The following ARL6IP5 variants were observed in gnomAD, a reference collection of about 807,000 sequenced individuals.
ARL6IP5 encodes PRA1 family protein 3.
In ARL6IP5, 6 loss-of-function variants were observed where a neutral mutation model predicts 13.0. The observed-to-expected ratio is 0.46, with a 90% CI of 0.25 to 0.91. The LOEUF (loss-of-function observed/expected upper bound fraction) is 0.91, where lower values mean the gene tolerates loss of function less well. ARL6IP5 is among the 40% of genes least tolerant of loss of function. The probability of loss-of-function intolerance (pLI) is 0.17; values close to 1 mark genes in which losing one functional copy is unlikely to be tolerated. For missense variants in ARL6IP5, 208 were observed against 248.8 expected (o/e 0.84, Z 1.10); for synonymous variants, 91 against 91.9 (o/e 0.99, Z 0.06).
intron 1 of ARL6IP5, among the ~76,000 whole-genome samples, chr3:69,086,118 T>G (rs1470807043): frequency 6.6e-6 from 1 of 152,198 alleles, no homozygotes; most frequent in African/African-American, 2.4e-5. Context: ...TCACTTGCAC[T>G]TAAATGTCTG....
At chr3:69,092,819 C>CT (rs201632976) in intron 1 of ARL6IP5, among the ~76,000 whole-genome samples, 2,907 of 139,730 alleles carry the variant, frequency 0.021, 63 homozygotes, top group African/African-American at 0.057. Flanking sequence ...TGTACCCAGC[C>CT]TTTTTTTTTT....
chr3:69,104,011 C>T (rs1012320797), intron 2 of ARL6IP5, among the ~76,000 whole-genome samples: 1 of 152,150 alleles, frequency 6.6e-6, no homozygotes, highest in Admixed American at 6.5e-5. Context: ...CCGGGAGGCA[C>T]TTTAAAAGTG....
rs2107517111 is a variant in ARL6IP5 at position 69,105,694 on chromosome 3, A to G, written c.*1058A>G. 6.6e-6 allele frequency: 1 copy of G among 152,360 alleles called. No individual in the cohort carries two copies. The highest frequency in any genetic ancestry group is 1.5e-5 in the Non-Finnish European group (1 of 68,032). 9.4% of individuals were successfully genotyped at this position (152,360 alleles called of 1,614,324 possible). A position where few individuals can be genotyped will look rare whatever the true frequency, so the allele number is the denominator to read the frequency against. ...AATTGTTACAACCATATGCCTTTAT[A>G]GCTAGACATTAGAATTATGATAGCA... On this transcript the variant is annotated 3_prime_UTR_variant, in exon 3 of 3. Coordinates refer to ENST00000273258, the MANE Select transcript of ARL6IP5 (RefSeq NM_006407.4).
At chr3:69,094,622 T>C (rs2092281108) in intron 1 of ARL6IP5, among the ~76,000 whole-genome samples, 1 of 152,046 alleles carries the variant, frequency 6.6e-6, no homozygotes, top group Non-Finnish European at 1.5e-5. Flanking sequence ...GGCTAGAAAA[T>C]TGGAACTCAG....
chr3:69,092,381 T>A (rs951083002), intron 1 of ARL6IP5, among the ~76,000 whole-genome samples: 5 of 152,224 alleles, frequency 3.3e-5, no homozygotes, highest in African/African-American at 1.2e-4. Flanking sequence ...GAAGGAAGTC[T>A]GTGTTACCAA....
Position 69,085,077 on chromosome 3 carries a change from C to G in ARL6IP5, c.30C>G (p.Ala10=), listed in dbSNP as rs749621819. Residue 10 remains alanine, a synonymous_variant, in exon 1 of 3, where the codon GCC becomes GCG. Transcript: ENST00000273258. ...ACGTTAATATCGCCCCACTCCGCGC[C>G]TGGGACGATTTCTTCCCGGGTTCCG... MDVNIAPLR[A]WDDFFPGSDR... The G allele has an allele frequency of 1.2e-6, 2 of 1,614,066 alleles. No homozygotes were observed. Among genetic ancestry groups the G allele is most frequent in the East Asian group, 2.2e-5 (1 of 44,900 alleles).
chr3:69,100,190 G>A (rs572531935), intron 1 of ARL6IP5: 1 of 152,246 alleles, frequency 6.6e-6, no homozygotes, highest in African/African-American at 2.4e-5. Context: ...GCCTCCCAAA[G>A]TGCTAGGATT....
rs756960056 is a variant in ARL6IP5, at chr3:69,101,985, C to T, written c.323C>T (p.Ala108Val). ...ACGTTCGTTATGGTGGTCATGTTGG[C>T]GAGCTATTTCCTTATCTCCATGTTT... is the stretch of plus-strand genomic sequence containing the variant. ...PTTFVMVVML[A>V]SYFLISMFGG... Residue 108 changes from alanine (A) to valine (V), a missense_variant, in exon 2 of 3, where the codon GCG (alanine) becomes GTG (valine). By Grantham distance (64) the Ala-to-Val change is moderately conservative. Coordinates refer to ENST00000273258, the MANE Select transcript of ARL6IP5 (RefSeq NM_006407.4). 3.1e-6 allele frequency: 5 copies of T among 1,614,064 alleles called. No homozygotes were observed. The highest frequency in any genetic ancestry group is 1.7e-5 in the Admixed American group (1 of 60,006).
chr3:69,100,821 A>G (rs1274831011), intron 1 of ARL6IP5, among the ~76,000 whole-genome samples: 1 of 151,240 alleles, frequency 6.6e-6, no homozygotes, highest in Non-Finnish European at 1.5e-5. Flanking sequence ...GATTAATAGC[A>G]CCTCACTTTG....
At chr3:69,093,733 G>A (rs2092277376) in intron 1 of ARL6IP5, among the ~76,000 whole-genome samples, 1 of 149,224 alleles carries the variant, frequency 6.7e-6, no homozygotes. Flanking sequence ...CTGCACTTCA[G>A]CCTGCCGACA....
chr3:69,104,315 C>G, intron 2 of ARL6IP5, 149 bp from the exon 3 acceptor site: 1 of 750,650 alleles, frequency 1.3e-6, no homozygotes, highest in African/African-American at 1.7e-5. Context: ...GTCCAAGGAG[C>G]CATTTGAAAG....
intron 1 of ARL6IP5, among the ~76,000 whole-genome samples, chr3:69,099,126 G>GGGC (rs1164414732): frequency 3.9e-5 from 4 of 101,718 alleles, no homozygotes; most frequent in African/African-American, 2.1e-4. Context: ...GGAGGCTGAG[G>GGGC]GGCGGGGGGG....
chr3:69,102,230 G>A, intron 2 of ARL6IP5, 174 bp downstream of exon 2: 1 of 662,348 alleles, frequency 1.5e-6, no homozygotes, highest in Non-Finnish European at 2.6e-6. Flanking sequence ...CAGAACTGAG[G>A]TCAAGAACTA....
intron 1 of ARL6IP5, among the ~76,000 whole-genome samples, chr3:69,096,689 C>T (rs182251446): frequency 8.0e-5 from 12 of 150,724 alleles, no homozygotes; most frequent in African/African-American, 1.7e-4. Flanking sequence ...CTGCAGCCTC[C>T]GCCTCCCGGG....
Position 69,085,060 on chromosome 3 carries a change from A to G in ARL6IP5, c.13A>G (p.Ile5Val), listed in dbSNP as rs1227610687. The change falls in exon 1 of 3, where the codon ATC becomes GTC. Residue 5 changes from isoleucine to valine, a missense_variant. By Grantham distance (29) the Ile-to-Val change is conservative. Coordinates refer to ENST00000273258, the MANE Select transcript of ARL6IP5 (RefSeq NM_006407.4). MDVNIAPLRAWDDFF... is the reference protein window; with the variant it reads MDVNVAPLRAWDDFF... ...CAAAGCTGAGAACATGGACGTTAAT[A>G]TCGCCCCACTCCGCGCCTGGGACGA... 6.2e-7 allele frequency: 1 copy of G among 1,613,704 alleles called. No individual in the cohort carries two copies. Among genetic ancestry groups the G allele is most frequent in the Non-Finnish European group, 8.5e-7 (1 of 1,179,930 alleles).
At chr3:69,091,983 GA>G (rs1339104332) in intron 1 of ARL6IP5, among the ~76,000 whole-genome samples, 12 of 151,696 alleles carry the variant, frequency 7.9e-5, no homozygotes, top group Admixed American at 7.9e-4. Flanking sequence ...CTCAGCTTCA[GA>G]AAACTTAACC....
At chr3:69,098,060 A>T (rs1165917558) in intron 1 of ARL6IP5, among the ~76,000 whole-genome samples, 2 of 151,760 alleles carry the variant, frequency 1.3e-5, no homozygotes, top group Admixed American at 1.3e-4. Flanking sequence ...GAAATAATAT[A>T]CTAATTATAG....
intron 1 of ARL6IP5, among the ~76,000 whole-genome samples, chr3:69,091,444 G>A (rs2092265603): frequency 6.6e-6 from 1 of 151,790 alleles, no homozygotes; most frequent in Non-Finnish European, 1.5e-5. Context: ...ATAGGCATGT[G>A]CCACCAGCCT....
Position 69,104,575 on chromosome 3 carries a change from T to C in ARL6IP5, c.506T>C (p.Leu169Pro). 1.9e-6 allele frequency: 3 copies of C among 1,614,106 alleles called. No homozygotes were observed. The highest frequency in any genetic ancestry group is 3.3e-5 in the Admixed American group (2 of 59,998). Residue 169 changes from leucine (L) to proline (P), a missense_variant, in exon 3 of 3, where the codon CTA becomes CCA. Physicochemically the swap from Leu to Pro is moderately conservative, Grantham distance 98 (BLOSUM62 -3). Coordinates refer to ENST00000273258, the MANE Select transcript of ARL6IP5 (RefSeq NM_006407.4). The part of the protein sequence containing the change: ...RTPMGIVLDA[L>P]EQQEEGINRL... ...CCGATGGGCATTGTCCTGGATGCCC[T>C]AGAACAGCAGGAAGAAGGCATCAAC...
Sources: gnomAD v4.1 joint callset for allele counts (sites outside exome capture counted in the v4.1 genomes callset) on GRCh38, gnomAD v4.1.1 for gene constraint, MANE v1.5 for transcripts, NCBI Gene and HGNC (gene_info 2026-07-23, HGNC 2026-07-21) for gene names.